The following ZBTB40 variants were observed in gnomAD, a reference collection of about 807,000 sequenced individuals.
ZBTB40 encodes the protein zinc finger and BTB domain containing 40.
Under a neutral mutation model 117.5 loss-of-function variants are expected in ZBTB40, and 60 were observed. The ratio of observed to expected loss-of-function variants is 0.51; its 90% confidence interval spans 0.41 to 0.63. The LOEUF is 0.63. ZBTB40 is among the 30% of genes least tolerant of loss of function. The pLI is 0.00. For synonymous variants in ZBTB40, 525 were observed against 577.1 expected (o/e 0.91, Z 1.29); for missense variants, 1,287 against 1,498.5 (o/e 0.86, Z 2.33).
At chr1:22,525,959 G>T (rs142716728) in intron 17 of ZBTB40, among the ~76,000 whole-genome samples, 1 of 152,006 alleles carries the variant, frequency 6.6e-6, no homozygotes. Flanking sequence ...GAGTCCGGGC[G>T]CCCCGAGATG....
rs892649023 is a variant in ZBTB40 at position 22,468,484 on chromosome 1, T to C, written c.-70+16480T>C. Among the ~76,000 whole-genome samples the C allele has an allele frequency of 3.9e-5, 5 of 128,512 alleles. 1 individual carries two copies. Among genetic ancestry groups the C allele is most frequent in the African/African-American group, 1.5e-4 (5 of 33,264 alleles). 84.3% of individuals were successfully genotyped at this position (128,512 alleles called of 152,430 possible). A position where few individuals can be genotyped will look rare whatever the true frequency, so the allele number is the denominator to read the frequency against. On this transcript the variant is annotated intron_variant, in intron 1 of 17. Transcript: ENST00000375647. ...TGTTTCCTTTTTTTTTTTTTTTTTT[T>C]TTTTTTTTGGAGACAGGATGTCGCT...
chr1:22,516,789 G>T (rs962108061), intron 12 of ZBTB40, among the ~76,000 whole-genome samples: 1 of 152,096 alleles, frequency 6.6e-6, no homozygotes, highest in African/African-American at 2.4e-5. Flanking sequence ...TTGGCAGTCT[G>T]GTCATTATAT....
rs1350450210 is a variant in ZBTB40 at position 22,495,945 on chromosome 1, AAAAC to A, written c.831+4420_831+4423del. The stretch of plus-strand genomic sequence containing the variant: ...CTTTGTGCCAGTTTTCATGTGGGTA[AAAAC>A]AAACAAATAAAGGCAAGGTAGGGGT... On this transcript the variant is annotated intron_variant, in intron 3 of 17. Transcript: ENST00000375647. Among the ~76,000 whole-genome samples the A allele has an allele frequency of 2.8e-4, 42 of 152,334 alleles. No homozygotes were observed. In the Middle Eastern group the frequency reaches 0.014, roughly 49 times the overall value.
Position 22,513,248 on chromosome 1 carries a change from T to C in ZBTB40, c.2668+118T>C. ...AAAACAATTTGATAGCACAACAGGG[T>C]GACTAAAGTCAATAATAACTTAATT... On this transcript the variant is annotated intron_variant, in intron 12 of 17. Transcript: ENST00000375647. The surrounding 1 kb of genome is among the most constrained non-coding windows in gnomAD (Gnocchi z 4.9). The C allele has an allele frequency of 1.8e-6, 2 of 1,096,058 alleles. No individual in the cohort carries two copies. Among genetic ancestry groups the C allele is most frequent in the Non-Finnish European group, 2.7e-6 (2 of 745,056 alleles). The allele number at this position is 1,096,058 out of a possible 1,614,324, so 67.9% of individuals were successfully genotyped here.
chr1:22,514,068 C>T (rs531976766), intron 12 of ZBTB40, among the ~76,000 whole-genome samples: 5 of 152,178 alleles, frequency 3.3e-5, no homozygotes, highest in African/African-American at 7.2e-5. Flanking sequence ...GTGTAGCGCC[C>T]GTTACAATGC....
chr1:22,448,672 C>T (rs994494732), upstream of ZBTB40, among the ~76,000 whole-genome samples: 8 of 151,980 alleles, frequency 5.3e-5, no homozygotes, highest in African/African-American at 1.9e-4. Flanking sequence ...AAAAATGTTA[C>T]CTACTTCATT....
At position 22,487,914 on chromosome 1, in the gene ZBTB40, A is replaced by G. The variant is rs146967484; in HGVS notation, c.-69-1966A>G. Among the ~76,000 whole-genome samples the G allele has an allele frequency of 5.4e-3, 817 of 152,054 alleles. 10 individuals are homozygous for G. The highest frequency in any genetic ancestry group is 0.018 in the African/African-American group (760 of 41,496). On this transcript the variant is annotated intron_variant, in intron 1 of 17. Coordinates refer to ENST00000375647, the MANE Select transcript of ZBTB40 (RefSeq NM_014870.4). ...TCCAGATTCATCTCTTAACACTCCT[A>G]TTCCCTGCTTTATGTTCCAGTAATA... is the stretch of plus-strand genomic sequence containing the variant.
At chr1:22,520,593 A>G (rs911154953) in intron 14 of ZBTB40, among the ~76,000 whole-genome samples, 5 of 152,158 alleles carry the variant, frequency 3.3e-5, no homozygotes, top group Admixed American at 6.5e-5. Flanking sequence ...CCCATGTGTC[A>G]ATGGGCATGA....
chr1:22,490,346 C>T lies in ZBTB40; in HGVS notation c.398C>T (p.Ser133Phe). ...GTGGTAAGGGATGTCTCTGCGCCAT[C>T]CTCAGAGACATTCAGAAAGGAACCA... ...GQVVRDVSAP[S>F]SETFRKEPEK... The change falls in exon 2 of 18, where the codon TCC (serine) becomes TTC (phenylalanine). Residue 133 changes from serine to phenylalanine, a missense_variant. This residue lies in a region of ZBTB40 where 870 missense variants were observed against 934.4 expected (regional missense o/e 0.93). Transcript: ENST00000375647. The T allele has an allele frequency of 6.2e-7, 1 of 1,614,148 alleles. No individual in the cohort carries two copies. Among genetic ancestry groups the T allele is most frequent in the Non-Finnish European group, 8.5e-7 (1 of 1,180,032 alleles).
chr1:22,502,331 C>T lies in ZBTB40; in HGVS notation c.1057C>T (p.Leu353=). ...AGAGGAGGGAAAGACCTTGTCTGTT[C>T]TGTTACTAGAACACAAAGAGGACCT... is the stretch of plus-strand genomic sequence containing the variant. ...STEEGKTLSV[L]LLEHKEDLIQ... The change falls in exon 5 of 18, where the codon CTG becomes TTG. Residue 353 remains leucine, a synonymous_variant. Coordinates refer to ENST00000375647, the MANE Select transcript of ZBTB40 (RefSeq NM_014870.4). 1 of 1,613,910 alleles carries T rather than the reference C, an allele frequency of 6.2e-7. No homozygotes were observed. The highest frequency in any genetic ancestry group is 8.5e-7 in the Non-Finnish European group (1 of 1,179,894).
chr1:22,505,972 C>T (rs778717671), intron 5 of ZBTB40, 77 bp from the exon 6 acceptor site: 131 of 1,501,396 alleles, frequency 8.7e-5, no homozygotes, highest in Middle Eastern at 5.1e-4. Flanking sequence ...TGCTATCTTG[C>T]TAGGTTTTCC....
chr1:22,504,310 C>T (rs1192268672), intron 5 of ZBTB40, among the ~76,000 whole-genome samples: 1 of 152,112 alleles, frequency 6.6e-6, no homozygotes, highest in East Asian at 1.9e-4. Flanking sequence ...TAACCAGGAA[C>T]ATATTTACAT....
In ZBTB40 at chr1:22,512,982, G is replaced by A; in HGVS notation, c.2520G>A (p.Glu840=). Residue 840 remains glutamate, a synonymous_variant, in exon 12 of 18, where the codon GAG becomes GAA. Transcript: ENST00000375647. ...HFDEKPFSCE[E]CGAKFAANST... ...ATGAGAAGCCTTTCTCCTGTGAAGA[G>A]TGTGGGGCGAAGTTTGCAGCCAATT... is the stretch of plus-strand genomic sequence containing the variant. 6.2e-7 allele frequency: 1 copy of A among 1,614,232 alleles called. No individual in the cohort carries two copies. The highest frequency in any genetic ancestry group is 8.5e-7 in the Non-Finnish European group (1 of 1,180,040).
intron 14 of ZBTB40, among the ~76,000 whole-genome samples, 178 bp downstream of exon 14, chr1:22,520,453 G>A (rs1023192037): frequency 2.6e-5 from 4 of 152,202 alleles, no homozygotes; most frequent in Non-Finnish European, 5.9e-5. Flanking sequence ...AGATCTGGTC[G>A]GAGTGCTGCA....
intron 1 of ZBTB40, among the ~76,000 whole-genome samples, chr1:22,446,076 TAAGA>T (rs1569747807): frequency 6.6e-6 from 1 of 152,062 alleles, no homozygotes; most frequent in East Asian, 1.9e-4. Flanking sequence ...ATGGAAATTC[TAAGA>T]AAGAACCAAC....
At chr1:22,500,979 G>C (rs1484093417) in intron 3 of ZBTB40, among the ~76,000 whole-genome samples, 1 of 152,044 alleles carries the variant, frequency 6.6e-6, no homozygotes, top group Non-Finnish European at 1.5e-5. Flanking sequence ...TTTAAATTCA[G>C]ACATCCCTGC....
At position 22,441,307 on chromosome 1, in the gene ZBTB40, T is replaced by C. The variant is rs1178351479; in HGVS notation, c.-70+12293T>C. 2.0e-5 allele frequency among the ~76,000 whole-genome samples: 3 copies of C among 152,112 alleles called. No individual in the cohort carries two copies. In the East Asian group the frequency reaches 5.8e-4, roughly 29 times the overall value. ...TCTCTTATACTCCATTTTATTTCTC[T>C]AGAATTAGTAGTAATGTCCTTGAGT... is the stretch of plus-strand genomic sequence containing the variant. On this transcript the variant is annotated intron_variant, in intron 1 of 8. Transcript: ENST00000650433.
At chr1:22,506,513 A>T (rs766358044) in intron 6 of ZBTB40, among the ~76,000 whole-genome samples, 2 of 152,192 alleles carry the variant, frequency 1.3e-5, no homozygotes, top group Non-Finnish European at 2.9e-5. Context: ...GTCCAGGATC[A>T]CCTGTGAAAG....
intron 1 of ZBTB40, among the ~76,000 whole-genome samples, chr1:22,455,403 A>G (rs1640980967): frequency 6.6e-6 from 1 of 152,184 alleles, no homozygotes; most frequent in Admixed American, 6.5e-5. Flanking sequence ...AATCAAGGGA[A>G]CTATGTAAGA....
Sources: gnomAD v4.1 joint callset for allele counts (sites outside exome capture counted in the v4.1 genomes callset) on GRCh38, gnomAD v4.1.1 for gene constraint, gnomAD v4.1.1 regional missense constraint, Gnocchi (gnomAD v3.1) non-coding constraint, MANE v1.5 for transcripts, NCBI Gene and HGNC (gene_info 2026-07-23, HGNC 2026-07-21) for gene names.